The following INO80 variants were observed in gnomAD, a reference collection of about 807,000 sequenced individuals.
INO80 encodes the protein INO80 complex ATPase subunit.
In INO80, 20 loss-of-function variants were observed where a neutral mutation model predicts 203.4. That is an observed-to-expected ratio of 0.10 (90% confidence interval 0.07 to 0.14). The LOEUF is 0.14. INO80 is among the 10% of genes least tolerant of loss of function. The pLI is 1.00. For missense variants in INO80, 1,419 were observed against 1,914.4 expected (o/e 0.74, Z 4.83); for synonymous variants, 726 against 685.2 (o/e 1.06, Z -0.93).
intron 26 of INO80, among the ~76,000 whole-genome samples, chr15:41,020,093 C>G (rs936722073): frequency 6.6e-6 from 1 of 152,002 alleles, no homozygotes; most frequent in East Asian, 1.9e-4. Flanking sequence ...TGGTGGTGGG[C>G]GCCTGTAGTC....
intron 8 of INO80, among the ~76,000 whole-genome samples, chr15:41,080,288 T>G (rs1056699946): frequency 2.0e-5 from 3 of 152,164 alleles, no homozygotes; most frequent in African/African-American, 4.8e-5. Context: ...CCCTATGAAA[T>G]TGGCATTACC....
intron 19 of INO80, 53 bp from the exon 20 acceptor site, chr15:41,050,155 C>T: frequency 1.5e-6 from 2 of 1,321,742 alleles, no homozygotes; most frequent in Non-Finnish European, 2.1e-6. Flanking sequence ...TAAGAAAATT[C>T]AGCATCAGCT....
At chr15:41,001,781 T>C (rs1363124023) in intron 28 of INO80, among the ~76,000 whole-genome samples, 6 of 152,214 alleles carry the variant, frequency 3.9e-5, no homozygotes, top group Non-Finnish European at 7.3e-5. Flanking sequence ...GGAATGTAAA[T>C]GGCTTTTTAT....
Position 40,987,808 on chromosome 15 carries a change from G to T in INO80, c.3729+8C>A, listed in dbSNP as rs746869861. On this transcript the variant is annotated splice_region_variant and intron_variant, in intron 30 of 35. Coordinates refer to ENST00000648947, the MANE Select transcript of INO80 (RefSeq NM_017553.3). ...ACCAGTGTAGGAATTTCTTTCTCTT[G>T]TGCTTACCTCACTCTTCTCCTTGGC... 1.9e-6 allele frequency: 3 copies of T among 1,612,122 alleles called. No homozygotes were observed. Among genetic ancestry groups the T allele is most frequent in the Non-Finnish European group, 2.5e-6 (3 of 1,178,678 alleles).
rs573683042 is a variant in INO80, at chr15:41,084,705, A to G, written c.873+664T>C. Among the ~76,000 whole-genome samples, 5 of 152,332 alleles carry G rather than the reference A, an allele frequency of 3.3e-5. No homozygotes were observed. The East Asian group carries it at 5.8e-4, about 18-fold the overall frequency. ...AACATTTGTAAATTCTCTAAGAAAC[A>G]TATCAACTCCTTTTTATTTTATTTA... On this transcript the variant is annotated intron_variant, in intron 7 of 35. Transcript: ENST00000648947.
In INO80 at chr15:40,984,185, A is replaced by T. The variant is rs780020254; in HGVS notation, c.4077+12T>A. On this transcript the variant is annotated intron_variant, in intron 33 of 35. Coordinates refer to ENST00000648947, the MANE Select transcript of INO80 (RefSeq NM_017553.3). ...TTACGGCTGTGATGCAGGCATCTAA[A>T]AGGAGCCTCACCTCACTGAAAGGGC... 1.9e-6 allele frequency: 3 copies of T among 1,612,102 alleles called. No individual in the cohort carries two copies. In the African/African-American group the frequency reaches 4.0e-5, roughly 22 times the overall value.
At chr15:41,090,140 A>G (rs1038701002) in intron 5 of INO80, among the ~76,000 whole-genome samples, 1 of 152,252 alleles carries the variant, frequency 6.6e-6, no homozygotes, top group African/African-American at 2.4e-5. Context: ...AATATTTGCA[A>G]TAAGAAGAAA....
intron 27 of INO80, among the ~76,000 whole-genome samples, chr15:41,014,153 C>T (rs1403568045): frequency 1.3e-5 from 2 of 152,236 alleles, no homozygotes; most frequent in African/African-American, 4.8e-5. Context: ...ACCACCTACA[C>T]TCACCTTCAC....
intron 16 of INO80, among the ~76,000 whole-genome samples, chr15:41,057,143 T>G (rs972924433): frequency 6.6e-6 from 1 of 152,160 alleles, no homozygotes. Context: ...AAATGAATCT[T>G]CATTGCTCCT....
At chr15:40,990,523 GC>G in intron 29 of INO80, among the ~76,000 whole-genome samples, 1 of 152,276 alleles carries the variant, frequency 6.6e-6, no homozygotes, top group South Asian at 2.1e-4. Flanking sequence ...ACTGCACCTG[GC>G]CAAAATGGTT....
intron 14 of INO80, among the ~76,000 whole-genome samples, chr15:41,068,658 G>A (rs1432639781): frequency 1.3e-5 from 2 of 151,716 alleles, no homozygotes; most frequent in African/African-American, 4.8e-5. Context: ...AAGAGTTTGA[G>A]ACCAGCCTGG....
chr15:41,022,473 A>G (rs2044309486), intron 25 of INO80, among the ~76,000 whole-genome samples: 1 of 152,182 alleles, frequency 6.6e-6, no homozygotes, highest in African/African-American at 2.4e-5. Context: ...GGGAGGGGCC[A>G]ATAGACCTAT....
chr15:41,062,416 A>C (rs1486316841), intron 14 of INO80, among the ~76,000 whole-genome samples: 1 of 152,184 alleles, frequency 6.6e-6, no homozygotes, highest in East Asian at 1.9e-4. Flanking sequence ...AGCCTGGCCA[A>C]CATGGCAAAA....
At chr15:41,059,768 G>C (rs754087946) in intron 15 of INO80, 99 bp downstream of exon 15, 146 of 747,650 alleles carry the variant, frequency 2.0e-4, no homozygotes, top group Non-Finnish European at 2.8e-4. Flanking sequence ...ATATATAATA[G>C]ATAAGAAGAT....
At chr15:41,027,477 A>G (rs779546275) in intron 25 of INO80, 119 bp downstream of exon 25, 10 of 845,594 alleles carry the variant, frequency 1.2e-5, no homozygotes, top group South Asian at 2.2e-5. Context: ...ACTAGAATTT[A>G]TATGTTTCTT....
chr15:41,089,517 C>T (rs990618342), intron 5 of INO80, among the ~76,000 whole-genome samples: 1 of 151,894 alleles, frequency 6.6e-6, no homozygotes, highest in Non-Finnish European at 1.5e-5. Context: ...TTTGGGAGGC[C>T]GAGGCGGGTG....
chr15:41,074,601 A>T (rs1167272281), intron 9 of INO80, 36 bp from the exon 10 acceptor site: 3 of 1,432,910 alleles, frequency 2.1e-6, no homozygotes, highest in Non-Finnish European at 2.9e-6. Flanking sequence ...GAGCCAAATT[A>T]TCAATGATAT....
rs569210262 is a variant in INO80 at position 41,027,246 on chromosome 15, C to T, written c.3048+350G>A. Among the ~76,000 whole-genome samples the T allele has an allele frequency of 5.3e-5, 8 of 152,296 alleles. No homozygotes were observed. In the East Asian group the frequency reaches 1.5e-3, roughly 29 times the overall value. ...TCTGACGCCCTCTCATGAAAACCCT[C>T]AAAACCTCAACACAGGTGACAAATG... is the stretch of plus-strand genomic sequence containing the variant. On this transcript the variant is annotated intron_variant, in intron 25 of 35. Coordinates refer to ENST00000648947, the MANE Select transcript of INO80 (RefSeq NM_017553.3).
chr15:41,065,975 C>A (rs2045204961), intron 14 of INO80, among the ~76,000 whole-genome samples: 1 of 150,102 alleles, frequency 6.7e-6, no homozygotes, highest in African/African-American at 2.4e-5. Flanking sequence ...GCACCTAATG[C>A]TACTACATTG....
Sources: gnomAD v4.1 joint callset for allele counts (sites outside exome capture counted in the v4.1 genomes callset) on GRCh38, gnomAD v4.1.1 for gene constraint, MANE v1.5 for transcripts, NCBI Gene and HGNC (gene_info 2026-07-23, HGNC 2026-07-21) for gene names.